Variants in ZDHHC7 observed in about 807,000 individuals in gnomAD.
ZDHHC7 encodes the protein palmitoyltransferase ZDHHC7.
ZDHHC7 carries 12 observed loss-of-function variants against 34.1 expected under a neutral mutation model. The observed-to-expected ratio is 0.35, with a 90% CI of 0.23 to 0.57. The LOEUF (loss-of-function observed/expected upper bound fraction) is 0.57. Among genes scored for constraint, ZDHHC7 ranks in the 20% least tolerant of loss-of-function variants. The pLI, the probability that ZDHHC7 is intolerant of heterozygous loss-of-function variation, is 0.84. For synonymous variants in ZDHHC7, 185 were observed against 155.4 expected (o/e 1.19, Z -1.42); for missense variants, 388 against 402.7 (o/e 0.96, Z 0.31).
At chr16:85,025,698 G>A in the ZDHHC7 span, among the ~76,000 whole-genome samples, 8 of 152,164 alleles carry the variant, frequency 5.3e-5, no homozygotes, top group Admixed American at 2.0e-4. Flanking sequence ...GTCAGCCACC[G>A]CGCCCGGCCC....
intron 3 of ZDHHC7, 167 bp from the exon 4 acceptor site, chr16:84,982,161 T>A: frequency 1.4e-6 from 1 of 726,248 alleles, no homozygotes; most frequent in Non-Finnish European, 2.1e-6. Context: ...CTGGTCAACA[T>A]GGTGAAACCC....
At chr16:85,002,727 TGGG>T (rs1402271557) in intron 1 of ZDHHC7, among the ~76,000 whole-genome samples, 1 of 150,268 alleles carries the variant, frequency 6.7e-6, no homozygotes, top group Admixed American at 6.6e-5. Context: ...GTGGGTGGAG[TGGG>T]GGGATGGTCG....
chr16:84,977,471 T>C (rs1468762104), intron 6 of ZDHHC7, among the ~76,000 whole-genome samples: 1 of 152,224 alleles, frequency 6.6e-6, no homozygotes, highest in Admixed American at 6.5e-5. Flanking sequence ...GAGGTTTCTA[T>C]TGACACTGTA....
At chr16:84,986,907 G>C (rs955515823) in intron 3 of ZDHHC7, among the ~76,000 whole-genome samples, 2 of 152,202 alleles carry the variant, frequency 1.3e-5, no homozygotes, top group Non-Finnish European at 2.9e-5. Flanking sequence ...GATCTGTGGA[G>C]AGAAGAAATC....
intron 1 of ZDHHC7, among the ~76,000 whole-genome samples, chr16:84,998,412 C>G (rs1394384166): frequency 1.3e-5 from 2 of 152,158 alleles, no homozygotes; most frequent in African/African-American, 4.8e-5. Flanking sequence ...TGCCTGGCTC[C>G]TCCACTCCAT....
rs971247404 is a variant in ZDHHC7 at position 84,992,867 on chromosome 16, T to C, written c.-17-2232A>G. Among the ~76,000 whole-genome samples, 5 of 152,168 alleles carry C rather than the reference T, an allele frequency of 3.3e-5. No homozygotes were observed. The South Asian group carries it at 8.3e-4, about 25-fold the overall frequency. ...TCTTTTCTTAAATGCAACTGGAACA[T>C]AGCAATTATGAAAACATTTGCCGAA... On this transcript the variant is annotated intron_variant, in intron 2 of 7. Transcript: ENST00000313732.
upstream of ZDHHC7, among the ~76,000 whole-genome samples, chr16:85,014,787 A>G (rs1232255946): frequency 1.3e-5 from 2 of 152,190 alleles, no homozygotes; most frequent in African/African-American, 4.8e-5. Flanking sequence ...GGGGATTCTG[A>G]GAACATTCCC....
In ZDHHC7 at chr16:84,977,909, A is replaced by C. The variant is rs1447005968; in HGVS notation, c.619+15T>G. On this transcript the variant is annotated intron_variant, in intron 6 of 7. Transcript: ENST00000313732. ...GCATGCAAAGCCAGGAATGACACAT[A>C]GCCAGGGAACTTACCAGTCCACTGC... 1 of 1,605,316 alleles carries C rather than the reference A, an allele frequency of 6.2e-7. No homozygotes were observed. The highest frequency in any genetic ancestry group is 1.1e-5 in the South Asian group (1 of 90,546).
upstream of ZDHHC7, among the ~76,000 whole-genome samples, chr16:85,012,820 C>T (rs553128588): frequency 6.6e-6 from 1 of 152,044 alleles, no homozygotes; most frequent in East Asian, 1.9e-4. Flanking sequence ...CAGGAGAAAC[C>T]GCTTGAGAAC....
chr16:84,991,390 A>T (rs543667182), intron 2 of ZDHHC7, among the ~76,000 whole-genome samples: 1 of 151,830 alleles, frequency 6.6e-6, no homozygotes, highest in East Asian at 1.9e-4. Flanking sequence ...GGTTCAAGTG[A>T]TTCTCCTGCC....
chr16:85,027,089 T>A, the ZDHHC7 span, among the ~76,000 whole-genome samples: 26 of 152,324 alleles, frequency 1.7e-4, no homozygotes, highest in African/African-American at 6.3e-4. Flanking sequence ...TTACTGTATT[T>A]GCTGAAAAGA....
At chr16:85,019,371 T>C in the ZDHHC7 span, among the ~76,000 whole-genome samples, 1 of 152,144 alleles carries the variant, frequency 6.6e-6, no homozygotes, top group Non-Finnish European at 1.5e-5. Context: ...CTCATGTGAA[T>C]AGCCACTGCA....
At chr16:84,995,050 A>G (rs565170255) in intron 2 of ZDHHC7, among the ~76,000 whole-genome samples, 2 of 152,274 alleles carry the variant, frequency 1.3e-5, no homozygotes, top group Admixed American at 6.5e-5. Flanking sequence ...AAATGTACAC[A>G]TTCCTTAGGA....
At chr16:84,990,744 T>A (rs2072499340) in intron 2 of ZDHHC7, 109 bp from the exon 3 acceptor site, 2 of 825,362 alleles carry the variant, frequency 2.4e-6, no homozygotes, top group African/African-American at 1.7e-5. Context: ...TTAGTCTAAA[T>A]ACACATAGTG....
chr16:84,985,869 C>T (rs572994181), intron 3 of ZDHHC7, among the ~76,000 whole-genome samples: 57 of 146,096 alleles, frequency 3.9e-4, no homozygotes, highest in Non-Finnish European at 7.1e-4. Flanking sequence ...GTGACAGAAT[C>T]GCTTGAACCC....
chr16:85,007,016 C>A (rs2072725740), intron 1 of ZDHHC7, among the ~76,000 whole-genome samples: 1 of 132,558 alleles, frequency 7.5e-6, no homozygotes, highest in African/African-American at 3.2e-5. Flanking sequence ...CGTAGAAGAA[C>A]ACGGTGTTTT....
chr16:85,025,119 A>C, the ZDHHC7 span, among the ~76,000 whole-genome samples: 1 of 152,034 alleles, frequency 6.6e-6, no homozygotes, highest in Non-Finnish European at 1.5e-5. Flanking sequence ...CTCTACTAAA[A>C]ATACAAAAAT....
chr16:84,982,107 G>A (rs2072377998), intron 3 of ZDHHC7, 113 bp from the exon 4 acceptor site: 1 of 1,398,874 alleles, frequency 7.1e-7, no homozygotes, highest in Non-Finnish European at 9.8e-7. Flanking sequence ...TGAGGCGGGT[G>A]GATCACGGGG....
At chr16:85,000,483 T>G (rs1244905115) in intron 1 of ZDHHC7, among the ~76,000 whole-genome samples, 1 of 152,220 alleles carries the variant, frequency 6.6e-6, no homozygotes, top group Non-Finnish European at 1.5e-5. Context: ...TCTCTGGTGA[T>G]CAGTGACTAC....
Sources: gnomAD v4.1 joint callset for allele counts (sites outside exome capture counted in the v4.1 genomes callset) on GRCh38, gnomAD v4.1.1 for gene constraint, MANE v1.5 for transcripts, NCBI Gene and HGNC (gene_info 2026-07-23, HGNC 2026-07-21) for gene names.